Variants in GUCY1A2 observed in about 807,000 individuals in gnomAD.
GUCY1A2 encodes guanylate cyclase 1 soluble subunit alpha 2.
Under a neutral mutation model 63.5 loss-of-function variants are expected in GUCY1A2, and 27 were observed. The ratio of observed to expected loss-of-function variants is 0.43; its 90% CI spans 0.31 to 0.59. GUCY1A2 has a LOEUF of 0.59. Among genes scored for constraint, GUCY1A2 ranks in the 20% least tolerant of loss-of-function variants. GUCY1A2 has a pLI of 0.11. For missense variants in GUCY1A2, 768 were observed against 913.3 expected, an observed-to-expected ratio of 0.84 and a Z score of 2.05; for synonymous variants, 364 against 343.5, an observed-to-expected ratio of 1.06 and a Z score of -0.66.
chr11:106,707,335 CTA>C (rs1320151940), intron 7 of GUCY1A2, among the ~76,000 whole-genome samples: 1 of 151,932 alleles, frequency 6.6e-6, no homozygotes, highest in Non-Finnish European at 1.5e-5. Context: ...GAAAATATCA[CTA>C]TTTTATTTAT....
At chr11:106,706,120 A>C (rs1862905834) in intron 7 of GUCY1A2, among the ~76,000 whole-genome samples, 1 of 152,208 alleles carries the variant, frequency 6.6e-6, no homozygotes, top group South Asian at 2.1e-4. Context: ...GGAATGAACA[A>C]TTCAAAAAAT....
intron 6 of GUCY1A2, among the ~76,000 whole-genome samples, chr11:106,739,393 T>C (rs1863650073): frequency 6.6e-6 from 1 of 152,184 alleles, no homozygotes; most frequent in Admixed American, 6.5e-5. Context: ...CAAAAAAGGA[T>C]ACATTTCAAA....
At chr11:106,992,764 C>T (rs1207003534) in intron 1 of GUCY1A2, among the ~76,000 whole-genome samples, 1 of 152,050 alleles carries the variant, frequency 6.6e-6, no homozygotes, top group African/African-American at 2.4e-5. Context: ...AAATCAAAGC[C>T]ATATCAACAA....
intron 2 of GUCY1A2, among the ~76,000 whole-genome samples, chr11:106,982,693 C>G (rs1419984764): frequency 6.6e-6 from 1 of 152,052 alleles, no homozygotes; most frequent in African/African-American, 2.4e-5. Flanking sequence ...GTGCAAACAT[C>G]TGGGGAAAGA....
At chr11:106,964,368 C>T (rs1237015019) in intron 3 of GUCY1A2, among the ~76,000 whole-genome samples, 1 of 152,196 alleles carries the variant, frequency 6.6e-6, no homozygotes, top group Non-Finnish European at 1.5e-5. Flanking sequence ...CCCTCCAGGG[C>T]CTCTGGCCTT....
At chr11:106,783,088 T>C (rs893692034) in intron 5 of GUCY1A2, among the ~76,000 whole-genome samples, 7 of 152,176 alleles carry the variant, frequency 4.6e-5, no homozygotes, top group Non-Finnish European at 8.8e-5. Context: ...GTTCCTGAGG[T>C]TGCGGTTCTT....
chr11:106,798,716 C>T (rs1276878214), intron 5 of GUCY1A2, among the ~76,000 whole-genome samples: 1 of 152,000 alleles, frequency 6.6e-6, no homozygotes, highest in South Asian at 2.1e-4. Flanking sequence ...ATTCAACAGC[C>T]CTTCATGCTA....
intron 4 of GUCY1A2, among the ~76,000 whole-genome samples, chr11:106,878,325 G>T (rs1859779050): frequency 6.6e-6 from 1 of 151,962 alleles, no homozygotes; most frequent in Non-Finnish European, 1.5e-5. Flanking sequence ...AGGACACAAG[G>T]AACATCTATG....
intron 4 of GUCY1A2, among the ~76,000 whole-genome samples, chr11:106,862,755 AGGCAT>A (rs1389622236): frequency 2.0e-5 from 3 of 148,906 alleles, no homozygotes; most frequent in Non-Finnish European, 4.5e-5. Flanking sequence ...AAGAAAAGGG[AGGCAT>A]GGAAGTGGCT....
At chr11:106,802,164 A>T (rs946500546) in intron 5 of GUCY1A2, among the ~76,000 whole-genome samples, 1 of 152,206 alleles carries the variant, frequency 6.6e-6, no homozygotes, top group Admixed American at 6.6e-5. Flanking sequence ...TGCAGATTGC[A>T]TTAAGGCTAT....
At chr11:106,945,224 A>AT (rs1354540650) in intron 3 of GUCY1A2, among the ~76,000 whole-genome samples, 1 of 152,048 alleles carries the variant, frequency 6.6e-6, no homozygotes, top group African/African-American at 2.4e-5. Context: ...ATTAAAAAAA[A>AT]TTTACTTTTC....
chr11:106,871,403 G>T (rs994152252), intron 4 of GUCY1A2, among the ~76,000 whole-genome samples: 12 of 152,082 alleles, frequency 7.9e-5, no homozygotes, highest in African/African-American at 2.9e-4. Context: ...GGTGTTGACA[G>T]GGTGATGCTC....
Position 106,956,681 on chromosome 11 carries a change from G to A in GUCY1A2, c.488-16503C>T, listed in dbSNP as rs374316802. On this transcript the variant is annotated intron_variant, in intron 3 of 7. Transcript: ENST00000526355. ...TCCTTCTTCTGGGACCTCTGACCTC[G>A]ACAGGCACCAACCTGATGCCAGTAG... is the stretch of plus-strand genomic sequence containing the variant. 4.6e-5 allele frequency among the ~76,000 whole-genome samples: 7 copies of A among 152,248 alleles called. No homozygotes were observed. The East Asian group carries it at 1.4e-3, about 29-fold the overall frequency.
At chr11:106,703,385 T>C (rs1862850560) in intron 7 of GUCY1A2, among the ~76,000 whole-genome samples, 1 of 152,090 alleles carries the variant, frequency 6.6e-6, no homozygotes, top group Non-Finnish European at 1.5e-5. Context: ...GACATTAAAA[T>C]AGAGAAATTA....
At chr11:106,800,102 G>T (rs1864846297) in intron 5 of GUCY1A2, among the ~76,000 whole-genome samples, 1 of 152,140 alleles carries the variant, frequency 6.6e-6, no homozygotes, top group Non-Finnish European at 1.5e-5. Context: ...CTTCTCAAAA[G>T]AAGACATTTA....
At chr11:106,835,365 C>G (rs993307551) in intron 4 of GUCY1A2, among the ~76,000 whole-genome samples, 10 of 151,178 alleles carry the variant, frequency 6.6e-5, no homozygotes, top group Admixed American at 3.3e-4. Flanking sequence ...TCTAAAAATA[C>G]CGTAACATGT....
At chr11:107,013,959 T>A (rs927084238) in intron 1 of GUCY1A2, among the ~76,000 whole-genome samples, 91 of 152,010 alleles carry the variant, frequency 6.0e-4, no homozygotes, top group African/African-American at 1.8e-3. Flanking sequence ...ACCTGCCACA[T>A]AGATACTACA....
chr11:106,915,254 A>G (rs1349808683), intron 4 of GUCY1A2, among the ~76,000 whole-genome samples: 1 of 152,166 alleles, frequency 6.6e-6, no homozygotes, highest in Non-Finnish European at 1.5e-5. Flanking sequence ...TAAAAGTAAT[A>G]ATAGTAACAA....
At chr11:106,961,608 G>A (rs1861058652) in intron 3 of GUCY1A2, among the ~76,000 whole-genome samples, 1 of 152,170 alleles carries the variant, frequency 6.6e-6, no homozygotes, top group South Asian at 2.1e-4. Flanking sequence ...CACACATGAT[G>A]AAAGATGCCA....
Sources: gnomAD v4.1 joint callset for allele counts (sites outside exome capture counted in the v4.1 genomes callset) on GRCh38, gnomAD v4.1.1 for gene constraint, MANE v1.5 for transcripts, NCBI Gene and HGNC (gene_info 2026-07-23, HGNC 2026-07-21) for gene names.